Variants in SLC41A2 observed in about 807,000 individuals in gnomAD.
The protein encoded by SLC41A2 is solute carrier family 41 member 2, also known as SLC41A1-like 1.
Under a neutral mutation model 58.3 loss-of-function variants are expected in SLC41A2, and 32 were observed. The ratio of observed to expected loss-of-function variants is 0.55; its 90% CI spans 0.41 to 0.74. SLC41A2 has a LOEUF of 0.74. Ranked by LOEUF, SLC41A2 falls within the 30% of genes least tolerant of loss-of-function variation. The pLI is 0.00. For missense variants in SLC41A2, 514 were observed against 680.6 expected (o/e 0.76, Z 2.72); for synonymous variants, 190 against 235.0 (o/e 0.81, Z 1.75).
chr12:104,835,850 C>G (rs1439145925), intron 10 of SLC41A2, among the ~76,000 whole-genome samples: 1 of 105,384 alleles, frequency 9.5e-6, no homozygotes, highest in Non-Finnish European at 2.2e-5. Flanking sequence ...AACAAAGCAT[C>G]ATTTTTTTTT....
rs1407255117 is a variant in SLC41A2, at chr12:104,866,473, G to A, written c.1134C>T (p.His378=). 6.2e-7 allele frequency: 1 copy of A among 1,612,912 alleles called. No homozygotes were observed. Among genetic ancestry groups the A allele is most frequent in the South Asian group, 1.1e-5 (1 of 91,010 alleles). ...CTGTTATGACAGGCTCCCAGCCTGA[G>A]TGGAGAACTGTTCTTGTGGCTGGAT... is the stretch of plus-strand genomic sequence containing the variant. ...AKHPATRTVL[H]SGWEPVITAM... The change falls in exon 7 of 11, where the codon CAC becomes CAT. Residue 378 remains histidine, a synonymous_variant. Transcript: ENST00000258538.
chr12:104,823,500 G>C (rs1182879279), intron 10 of SLC41A2, among the ~76,000 whole-genome samples: 30 of 151,974 alleles, frequency 2.0e-4, no homozygotes. Flanking sequence ...ATTGATTTTT[G>C]ACAAAGATGC....
At chr12:104,958,299 C>A (rs911718096), upstream of SLC41A2, 4 of 149,692 alleles carry the variant, frequency 2.7e-5, no homozygotes, top group South Asian at 2.0e-4. Context: ...ACAGCCCGGC[C>A]GTCGGCGCCC....
chr12:104,818,393 A>G (rs1179920541), intron 10 of SLC41A2, among the ~76,000 whole-genome samples: 1 of 152,238 alleles, frequency 6.6e-6, no homozygotes, highest in East Asian at 1.9e-4. Context: ...TAAATAGGTG[A>G]GATTAATAGC....
chr12:104,905,147 G>A (rs1477825233), intron 3 of SLC41A2, among the ~76,000 whole-genome samples: 1 of 152,068 alleles, frequency 6.6e-6, no homozygotes, highest in African/African-American at 2.4e-5. Flanking sequence ...GGCCCCACCA[G>A]AGCAGCTAGA....
chr12:104,928,506 ATCTTCCTT>A lies in SLC41A2; in HGVS notation c.14_21del (p.Lys5IlefsTer5). On this transcript the variant is annotated frameshift_variant, in exon 2 of 11. Coordinates refer to ENST00000258538, the MANE Select transcript of SLC41A2 (RefSeq NM_001352171.3). LOFTEE classifies it high-confidence loss of function. ...CCACCACTTGTTTTATCGGTAATAG[ATCTTCCTT>A]TACTATTAGTCATATTGTCATCACA... 6.6e-7 allele frequency: 1 copy of A among 1,516,190 alleles called. No homozygotes were observed. Among genetic ancestry groups the A allele is most frequent in the Non-Finnish European group, 8.8e-7 (1 of 1,131,092 alleles). 93.9% of individuals were successfully genotyped at this position (1,516,190 alleles called of 1,614,324 possible).
intron 2 of SLC41A2, among the ~76,000 whole-genome samples, chr12:104,920,416 A>T (rs2046538164): frequency 6.6e-6 from 1 of 152,104 alleles, no homozygotes; most frequent in Non-Finnish European, 1.5e-5. Context: ...AATTTAACAA[A>T]GAGATTGAAA....
intron 9 of SLC41A2, 40 bp downstream of exon 9, chr12:104,845,803 G>C: frequency 1.3e-6 from 2 of 1,572,314 alleles, no homozygotes; most frequent in Non-Finnish European, 1.7e-6. Context: ...GAGAGCAATA[G>C]CCCTTGATCT....
At chr12:104,837,614 T>C (rs2042256850) in intron 10 of SLC41A2, among the ~76,000 whole-genome samples, 1 of 151,854 alleles carries the variant, frequency 6.6e-6, no homozygotes, top group African/African-American at 2.4e-5. Context: ...CTTAGGGCAG[T>C]CATCAGAGAA....
intron 3 of SLC41A2, among the ~76,000 whole-genome samples, chr12:104,904,927 G>C (rs192814996): frequency 2.0e-5 from 3 of 152,148 alleles, no homozygotes; most frequent in Non-Finnish European, 4.4e-5. Context: ...CTGTGGAAGG[G>C]GACCCAAGCG....
At chr12:104,888,519 C>T (rs2044783385) in intron 5 of SLC41A2, among the ~76,000 whole-genome samples, 1 of 152,034 alleles carries the variant, frequency 6.6e-6, no homozygotes, top group Non-Finnish European at 1.5e-5. Flanking sequence ...ATTTTTAAAA[C>T]CTTCTGGCTC....
intron 1 of SLC41A2, among the ~76,000 whole-genome samples, chr12:104,950,273 A>T (rs904411944): frequency 2.0e-5 from 3 of 152,126 alleles, no homozygotes; most frequent in African/African-American, 7.2e-5. Flanking sequence ...ACCTGGTAGG[A>T]GGTGGTTGGA....
In SLC41A2 at chr12:104,868,270, G is replaced by A. The variant is rs538417198; in HGVS notation, c.1028-1691C>T. The stretch of plus-strand genomic sequence containing the variant: ...TTGCCAATAATTTCTTTAATAGAAC[G>A]AAATAGAAAACAAAATGCATTGAAA... On this transcript the variant is annotated intron_variant, in intron 6 of 10. Coordinates refer to ENST00000258538, the MANE Select transcript of SLC41A2 (RefSeq NM_001352171.3). Among the ~76,000 whole-genome samples, 16 of 152,140 alleles carry A rather than the reference G, an allele frequency of 1.1e-4. No homozygotes were observed. In the South Asian group the frequency reaches 2.9e-3, roughly 28 times the overall value.
chr12:104,953,299 CTATT>C (rs1565927762), intron 1 of SLC41A2, among the ~76,000 whole-genome samples: 1 of 152,210 alleles, frequency 6.6e-6, no homozygotes, highest in Non-Finnish European at 1.5e-5. Flanking sequence ...CTACAAAACA[CTATT>C]TATTTCCCAT....
At chr12:104,810,298 G>A (rs916886749) in intron 10 of SLC41A2, among the ~76,000 whole-genome samples, 2 of 152,064 alleles carry the variant, frequency 1.3e-5, no homozygotes, top group African/African-American at 2.4e-5. Context: ...TAAATTTGCT[G>A]ATTGAATAAG....
intron 10 of SLC41A2, among the ~76,000 whole-genome samples, chr12:104,807,302 G>T (rs1434337021): frequency 1.3e-5 from 2 of 152,270 alleles, no homozygotes; most frequent in Non-Finnish European, 2.9e-5. Context: ...AGTTTTCCCA[G>T]CACCATTTAT....
At chr12:104,878,826 C>T (rs2044201439) in intron 6 of SLC41A2, among the ~76,000 whole-genome samples, 1 of 152,048 alleles carries the variant, frequency 6.6e-6, no homozygotes, top group Admixed American at 6.6e-5. Context: ...GGGTATATAC[C>T]CAGTAATGGG....
At chr12:104,901,721 T>C (rs942270021) in intron 3 of SLC41A2, among the ~76,000 whole-genome samples, 2 of 152,098 alleles carry the variant, frequency 1.3e-5, no homozygotes, top group Non-Finnish European at 2.9e-5. Context: ...AGCTAATTTT[T>C]TTATTTTTTG....
At chr12:104,952,104 A>G (rs965791867) in intron 1 of SLC41A2, among the ~76,000 whole-genome samples, 4 of 152,102 alleles carry the variant, frequency 2.6e-5, no homozygotes, top group Non-Finnish European at 5.9e-5. Context: ...CATTAACATG[A>G]TTTCAACTGA....
Sources: allele counts gnomAD v4.1 joint callset (sites outside exome capture counted in the v4.1 genomes callset), GRCh38; gene constraint gnomAD v4.1.1; transcripts MANE v1.5; gene names NCBI Gene and HGNC (gene_info 2026-07-23, HGNC 2026-07-21).